The following LINGO2 variants were observed in gnomAD, a reference collection of about 807,000 sequenced individuals.
LINGO2 encodes leucine rich repeat and Ig domain containing 2.
LINGO2 carries 14 observed loss-of-function variants against 30.6 expected under a neutral mutation model. The ratio of observed to expected loss-of-function variants is 0.46; its 90% CI spans 0.30 to 0.72. The LOEUF is 0.72. LINGO2 is among the 30% of genes least tolerant of loss of function. The pLI is 0.07. For synonymous variants in LINGO2, 317 were observed against 288.5 expected (o/e 1.10, Z -1.00); for missense variants, 729 against 751.7 (o/e 0.97, Z 0.35).
In LINGO2 at chr9:28,129,507, AC is replaced by A. The variant is rs1481218592; in HGVS notation, c.-86-117103del. On this transcript the variant is annotated intron_variant, in intron 4 of 5. Coordinates refer to ENST00000379992, the Ensembl canonical transcript of LINGO2. The surrounding 1 kb of genome is among the most constrained non-coding windows in gnomAD (Gnocchi z 4.0). ...TCACAGAAACAGCCTATCCAGTCGT[AC>A]CTCTTCAGTCCTCAGACTGGGTCCT... 6.6e-6 allele frequency: 1 copy of A among 152,108 alleles called. No homozygotes were observed. Among genetic ancestry groups the A allele is most frequent in the East Asian group, 1.9e-4 (1 of 5,182 alleles). The allele number at this position is 152,108 out of a possible 1,614,324, so 9.4% of individuals were successfully genotyped here. A position where few individuals can be genotyped will look rare whatever the true frequency, so the allele number is the denominator to read the frequency against.
At chr9:29,205,743 T>C in the LINGO2 span, among the ~76,000 whole-genome samples, 1 of 152,196 alleles carries the variant, frequency 6.6e-6, no homozygotes, top group African/African-American at 2.4e-5. Flanking sequence ...TGCCACATAA[T>C]TCAAACACCA....
At chr9:29,117,140 T>C in the LINGO2 span, among the ~76,000 whole-genome samples, 1 of 152,280 alleles carries the variant, frequency 6.6e-6, no homozygotes, top group South Asian at 2.1e-4. Flanking sequence ...TCAGATTCTC[T>C]GGAAGCATTT....
At chr9:28,617,469 G>A (rs1001293951) in intron 1 of LINGO2, among the ~76,000 whole-genome samples, 10 of 151,812 alleles carry the variant, frequency 6.6e-5, no homozygotes, top group African/African-American at 1.2e-4. Flanking sequence ...CTAATTTTTT[G>A]TATTTTTAGT....
the LINGO2 span, among the ~76,000 whole-genome samples, chr9:29,064,872 C>G: frequency 2.6e-5 from 4 of 151,332 alleles, no homozygotes; most frequent in Non-Finnish European, 5.9e-5. Context: ...CATATTTATC[C>G]CTATGTTTAT....
intron 5 of LINGO2, among the ~76,000 whole-genome samples, chr9:27,978,016 T>C (rs1820686038): frequency 6.6e-6 from 1 of 151,990 alleles, no homozygotes; most frequent in South Asian, 2.1e-4. Context: ...GTGGCTCGAC[T>C]GCTCTTAGCT....
chr9:28,817,119 G>A, the LINGO2 span, among the ~76,000 whole-genome samples: 1 of 151,964 alleles, frequency 6.6e-6, no homozygotes, highest in Non-Finnish European at 1.5e-5. Context: ...AAACACTGAA[G>A]AACCCATATG....
intron 4 of LINGO2, among the ~76,000 whole-genome samples, chr9:28,074,255 C>A (rs1238547369): frequency 6.6e-6 from 1 of 152,120 alleles, no homozygotes; most frequent in African/African-American, 2.4e-5. Context: ...AAATTGTGCA[C>A]CCTAAAATTG....
intron 5 of LINGO2, among the ~76,000 whole-genome samples, chr9:27,963,128 C>T (rs1819927811): frequency 1.3e-5 from 2 of 152,156 alleles, no homozygotes; most frequent in South Asian, 2.1e-4. Flanking sequence ...ACTTTTTCAT[C>T]TATGTCTATG....
At chr9:28,297,724 T>C (rs951327916) in intron 3 of LINGO2, among the ~76,000 whole-genome samples, 1 of 152,346 alleles carries the variant, frequency 6.6e-6, no homozygotes, top group South Asian at 2.1e-4. Context: ...GTCACTCTTA[T>C]ATCTTCTTCC....
chr9:28,156,724 G>A (rs1828141570), intron 4 of LINGO2, among the ~76,000 whole-genome samples: 1 of 152,180 alleles, frequency 6.6e-6, no homozygotes, highest in Non-Finnish European at 1.5e-5. Flanking sequence ...TACAATGTGG[G>A]TAAAGGTATT....
chr9:28,201,680 T>C (rs1320605690), intron 4 of LINGO2, among the ~76,000 whole-genome samples: 2 of 151,888 alleles, frequency 1.3e-5, no homozygotes, highest in Non-Finnish European at 2.9e-5. Flanking sequence ...GTTGAACCAG[T>C]TTACAGTCCC....
chr9:28,215,428 T>G (rs1820730968), intron 4 of LINGO2, among the ~76,000 whole-genome samples: 1 of 151,782 alleles, frequency 6.6e-6, no homozygotes, highest in Admixed American at 6.6e-5. Flanking sequence ...ATGTTGCGCA[T>G]ATAGCAGTGA....
At chr9:28,976,292 C>G in the LINGO2 span, among the ~76,000 whole-genome samples, 1 of 152,132 alleles carries the variant, frequency 6.6e-6, no homozygotes, top group Non-Finnish European at 1.5e-5. Context: ...GAACCCTAGA[C>G]AGTGATCTCA....
downstream of LINGO2, chr9:27,943,616 G>GGTT (rs3064643): frequency 0.41 from 60,457 of 148,506 alleles, 14,675 homozygotes; most frequent in East Asian, 0.59. Flanking sequence ...TAGCTGGAGG[G>GGTT]TTTTTTTTTT....
chr9:28,904,772 C>A, the LINGO2 span, among the ~76,000 whole-genome samples: 112,629 of 151,788 alleles, frequency 0.74, 41,905 homozygotes, highest in Non-Finnish European at 0.78. Context: ...GCATACTACC[C>A]AAAGCAATCT....
chr9:29,156,639 T>C, the LINGO2 span, among the ~76,000 whole-genome samples: 1 of 152,062 alleles, frequency 6.6e-6, no homozygotes, highest in East Asian at 1.9e-4. Context: ...CTGAAGTACA[T>C]GAAAAAGTTA....
the LINGO2 span, among the ~76,000 whole-genome samples, chr9:28,922,319 T>G: frequency 6.6e-6 from 1 of 152,148 alleles, no homozygotes; most frequent in East Asian, 1.9e-4. Flanking sequence ...GAAAGCACCA[T>G]TGTCTCCGCA....
At chr9:28,928,109 G>A in the LINGO2 span, among the ~76,000 whole-genome samples, 2 of 152,142 alleles carry the variant, frequency 1.3e-5, no homozygotes, top group African/African-American at 4.8e-5. Context: ...ATTTATCCAA[G>A]ATTTCTTGTT....
chr9:28,578,997 G>C (rs776552036), intron 1 of LINGO2, among the ~76,000 whole-genome samples: 2 of 151,724 alleles, frequency 1.3e-5, no homozygotes, highest in Non-Finnish European at 2.9e-5. Context: ...ATAGAATAAA[G>C]ATCGTAAGAT....
Sources: gnomAD v4.1 joint callset for allele counts (sites outside exome capture counted in the v4.1 genomes callset) on GRCh38, gnomAD v4.1.1 for gene constraint, Gnocchi (gnomAD v3.1) non-coding constraint, MANE v1.5 for transcripts, NCBI Gene and HGNC (gene_info 2026-07-23, HGNC 2026-07-21) for gene names.